Variants in MPPED1 observed in about 807,000 individuals in gnomAD.
MPPED1 encodes the protein metallophosphoesterase domain-containing protein 1.
A neutral mutation model predicts 36.2 loss-of-function variants in MPPED1; 16 were observed. That is an observed-to-expected ratio of 0.44 (90% CI 0.30 to 0.67). The LOEUF (loss-of-function observed/expected upper bound fraction) is 0.67, where lower values mean the gene tolerates loss of function less well. Ranked by LOEUF, MPPED1 falls within the 30% of genes least tolerant of loss-of-function variation. The probability of loss-of-function intolerance (pLI) is 0.10; values close to 1 mark genes in which losing one functional copy is unlikely to be tolerated. For missense variants in MPPED1, 307 were observed against 453.4 expected (o/e 0.68, Z 2.93); for synonymous variants, 199 against 191.3 (o/e 1.04, Z -0.33).
intron 4 of MPPED1, among the ~76,000 whole-genome samples, chr22:43,485,878 G>A (rs1931898374): frequency 6.6e-6 from 1 of 152,252 alleles, no homozygotes; most frequent in Non-Finnish European, 1.5e-5. Flanking sequence ...CCGGCCAGGT[G>A]TGTGATTGAC....
At chr22:43,443,182 G>A (rs1049780510) in intron 3 of MPPED1, among the ~76,000 whole-genome samples, 2 of 152,218 alleles carry the variant, frequency 1.3e-5, no homozygotes, top group African/African-American at 2.4e-5. Flanking sequence ...GGTCATGCAC[G>A]GAGAAGGACC....
intron 2 of MPPED1, among the ~76,000 whole-genome samples, chr22:43,430,239 G>A (rs1258167755): frequency 6.6e-6 from 1 of 152,202 alleles, no homozygotes; most frequent in African/African-American, 2.4e-5. Flanking sequence ...CTCTGCTTCT[G>A]ATGCCTCTCT....
chr22:43,481,944 T>G (rs756558110), intron 4 of MPPED1, among the ~76,000 whole-genome samples: 4 of 152,074 alleles, frequency 2.6e-5, no homozygotes, highest in Non-Finnish European at 5.9e-5. Context: ...AAAGTCTCAT[T>G]AGGGTGGCGT....
intron 2 of MPPED1, among the ~76,000 whole-genome samples, chr22:43,430,173 C>G (rs966304544): frequency 2.6e-5 from 4 of 152,152 alleles, no homozygotes; most frequent in African/African-American, 7.2e-5. Context: ...GCTGTCCCTG[C>G]CTGGACCTTC....
intron 2 of MPPED1, among the ~76,000 whole-genome samples, chr22:43,432,429 AG>A (rs1929736943): frequency 7.7e-6 from 1 of 129,292 alleles, no homozygotes; most frequent in African/African-American, 3.0e-5. Context: ...GGAGAGAGAA[AG>A]GGAGGAGAGA....
At chr22:43,418,671 C>A in intron 1 of MPPED1, 1 of 161,512 alleles carries the variant, frequency 6.2e-6, no homozygotes, top group Non-Finnish European at 1.4e-5. Context: ...AGTTTCGTGT[C>A]TGGGTCCTGT....
At chr22:43,472,416 C>A (rs1931406488) in intron 3 of MPPED1, among the ~76,000 whole-genome samples, 1 of 152,110 alleles carries the variant, frequency 6.6e-6, no homozygotes, top group East Asian at 1.9e-4. Context: ...GTCGCTGTTA[C>A]TTTTCTCATT....
intron 4 of MPPED1, among the ~76,000 whole-genome samples, chr22:43,487,469 A>C (rs1931948845): frequency 6.6e-6 from 1 of 152,140 alleles, no homozygotes; most frequent in Non-Finnish European, 1.5e-5. Context: ...CCCGTGTGCC[A>C]CGCCGAGGGC....
chr22:43,427,493 G>A (rs1929518548), intron 2 of MPPED1, among the ~76,000 whole-genome samples: 1 of 152,120 alleles, frequency 6.6e-6, no homozygotes, highest in Non-Finnish European at 1.5e-5. Context: ...CAGGGGTTGG[G>A]GGCGTGCAGG....
At chr22:43,480,790 G>A (rs1326819942) in intron 4 of MPPED1, among the ~76,000 whole-genome samples, 1 of 151,344 alleles carries the variant, frequency 6.6e-6, no homozygotes, top group Non-Finnish European at 1.5e-5. Flanking sequence ...TCTGTTCTCT[G>A]AAATAATGAA....
intron 3 of MPPED1, among the ~76,000 whole-genome samples, chr22:43,456,667 G>GT (rs1240589889): frequency 1.3e-5 from 2 of 152,074 alleles, no homozygotes; most frequent in African/African-American, 2.4e-5. Context: ...GCTGATTTTT[G>GT]TTTTTTTAGT....
At chr22:43,487,069 T>G (rs1380256779) in intron 4 of MPPED1, among the ~76,000 whole-genome samples, 3 of 152,162 alleles carry the variant, frequency 2.0e-5, no homozygotes, top group Non-Finnish European at 4.4e-5. Context: ...GTAGAGCACC[T>G]GCTTGTTCAT....
chr22:43,469,143 G>A (rs1485341091), intron 3 of MPPED1, among the ~76,000 whole-genome samples: 1 of 152,096 alleles, frequency 6.6e-6, no homozygotes, highest in East Asian at 1.9e-4. Context: ...CGGGGTTCAG[G>A]TACTTCCTGT....
chr22:43,471,984 C>T (rs973511931), intron 3 of MPPED1, among the ~76,000 whole-genome samples: 1 of 152,160 alleles, frequency 6.6e-6, no homozygotes, highest in Non-Finnish European at 1.5e-5. Flanking sequence ...TTCATGTCCC[C>T]AGGGACAGAA....
intron 3 of MPPED1, among the ~76,000 whole-genome samples, chr22:43,456,751 C>A (rs1485192117): frequency 6.6e-6 from 1 of 152,224 alleles, no homozygotes; most frequent in African/African-American, 2.4e-5. Context: ...CCACCTCAGC[C>A]TCCCAAAGTG....
At chr22:43,500,287 TGGG>T (rs752849334) in intron 5 of MPPED1, among the ~76,000 whole-genome samples, 972 of 34,420 alleles carry the variant, frequency 0.028, 6 homozygotes, top group Middle Eastern at 0.039. Flanking sequence ...GCGGTGGTGA[TGGG>T]GGTGGTGGTG....
chr22:43,475,550 G>GTGA (rs200280398), intron 4 of MPPED1, among the ~76,000 whole-genome samples: 34,830 of 62,766 alleles, frequency 0.55, 7,949 homozygotes, highest in East Asian at 0.73. Context: ...TGATGTGATG[G>GTGA]TGATGGTGGT....
intron 4 of MPPED1, among the ~76,000 whole-genome samples, chr22:43,476,501 A>G (rs574362856): frequency 6.6e-6 from 1 of 152,290 alleles, no homozygotes; most frequent in East Asian, 1.9e-4. Context: ...AGGACTTCAG[A>G]GAGAGCTACT....
intron 4 of MPPED1, among the ~76,000 whole-genome samples, chr22:43,487,057 G>C (rs1001289633): frequency 2.6e-5 from 4 of 152,094 alleles, no homozygotes; most frequent in African/African-American, 9.7e-5. Flanking sequence ...CCTTCCTGTC[G>C]GGTAGAGCAC....
Sources: allele counts gnomAD v4.1 joint callset (sites outside exome capture counted in the v4.1 genomes callset), GRCh38; gene constraint gnomAD v4.1.1; transcripts MANE v1.5; gene names NCBI Gene and HGNC (gene_info 2026-07-23, HGNC 2026-07-21).